The following MOB3B variants were observed in gnomAD, a reference collection of about 807,000 sequenced individuals.
The protein encoded by MOB3B is MOB kinase activator-like 2B.
Under a neutral mutation model 18.7 loss-of-function variants are expected in MOB3B, and 7 were observed. That is an observed-to-expected ratio of 0.37 (90% confidence interval 0.21 to 0.70). The LOEUF is 0.70. MOB3B is among the 30% of genes least tolerant of loss of function. The pLI is 0.52. For synonymous variants in MOB3B, 111 were observed against 99.9 expected, an observed-to-expected ratio of 1.11 and a Z score of -0.66; for missense variants, 253 against 281.3, an observed-to-expected ratio of 0.90 and a Z score of 0.72.
chr9:27,441,871 C>T (rs935451666), intron 2 of MOB3B, among the ~76,000 whole-genome samples: 2 of 152,128 alleles, frequency 1.3e-5, no homozygotes, highest in Admixed American at 1.3e-4. Context: ...CCCTAAGGAC[C>T]CTTTCAAAGG....
At chr9:27,426,192 C>A (rs928404103) in intron 2 of MOB3B, among the ~76,000 whole-genome samples, 3 of 152,130 alleles carry the variant, frequency 2.0e-5, no homozygotes, top group African/African-American at 7.2e-5. Context: ...GGGATTCCAA[C>A]CTATCCTGTG....
intron 2 of MOB3B, among the ~76,000 whole-genome samples, chr9:27,416,278 A>C (rs1487849684): frequency 6.6e-6 from 1 of 152,130 alleles, no homozygotes; most frequent in Non-Finnish European, 1.5e-5. Context: ...TAACAAGAGA[A>C]ATCTAGTAAG....
chr9:27,348,393 C>T, intron 3 of MOB3B, among the ~76,000 whole-genome samples: 1 of 152,174 alleles, frequency 6.6e-6, no homozygotes, highest in East Asian at 1.9e-4. Context: ...TGGCTCACAC[C>T]TGTAATCCCA....
intron 2 of MOB3B, among the ~76,000 whole-genome samples, chr9:27,430,507 G>A (rs557134014): frequency 6.6e-6 from 1 of 152,072 alleles, no homozygotes; most frequent in Non-Finnish European, 1.5e-5. Context: ...TGCAGCCAAC[G>A]CAGAACCAAT....
chr9:27,426,520 T>G (rs1369596981), intron 2 of MOB3B, among the ~76,000 whole-genome samples: 1 of 152,188 alleles, frequency 6.6e-6, no homozygotes, highest in Non-Finnish European at 1.5e-5. Flanking sequence ...ATCTTTTGTT[T>G]GGGCACACAA....
intron 2 of MOB3B, chr9:27,396,900 A>G (rs915818261): frequency 5.3e-5 from 8 of 152,260 alleles, no homozygotes; most frequent in African/African-American, 9.6e-5. Context: ...TACAGTAAGG[A>G]AAAAGGAGGA....
At chr9:27,484,021 C>A (rs1465008353) in intron 1 of MOB3B, among the ~76,000 whole-genome samples, 1 of 152,194 alleles carries the variant, frequency 6.6e-6, no homozygotes, top group Non-Finnish European at 1.5e-5. Flanking sequence ...GGTGAGGGCC[C>A]ATAACGAGCT....
intron 2 of MOB3B, among the ~76,000 whole-genome samples, chr9:27,371,890 A>T (rs1399273629): frequency 6.6e-6 from 1 of 152,186 alleles, no homozygotes; most frequent in East Asian, 1.9e-4. Flanking sequence ...TAATTCAAGG[A>T]CACTAAAAAA....
At chr9:27,467,709 C>G (rs1272911384) in intron 1 of MOB3B, among the ~76,000 whole-genome samples, 3 of 152,250 alleles carry the variant, frequency 2.0e-5, no homozygotes, top group Non-Finnish European at 4.4e-5. Context: ...CTCAGCCTGA[C>G]CTTTTTTCCT....
chr9:27,331,043 T>G (rs947044449), intron 3 of MOB3B, among the ~76,000 whole-genome samples: 1 of 152,200 alleles, frequency 6.6e-6, no homozygotes, highest in Non-Finnish European at 1.5e-5. Context: ...ACTGCTAGTT[T>G]TCTTCGAGTA....
At chr9:27,348,974 T>C (rs1170257377) in intron 3 of MOB3B, among the ~76,000 whole-genome samples, 2 of 152,334 alleles carry the variant, frequency 1.3e-5, no homozygotes, top group South Asian at 2.1e-4. Flanking sequence ...GTACATACAA[T>C]GGCCTGGGGG....
intron 1 of MOB3B, among the ~76,000 whole-genome samples, chr9:27,480,962 A>T (rs981636090): frequency 6.6e-5 from 10 of 152,214 alleles, no homozygotes; most frequent in African/African-American, 2.4e-4. Context: ...AATTATATAG[A>T]CTTAAAATAC....
chr9:27,344,476 G>A (rs977375610), intron 3 of MOB3B, among the ~76,000 whole-genome samples: 2 of 152,274 alleles, frequency 1.3e-5, no homozygotes, highest in African/African-American at 2.4e-5. Flanking sequence ...TTATAACTCC[G>A]ACATCTTACA....
intron 3 of MOB3B, among the ~76,000 whole-genome samples, chr9:27,351,663 C>G (rs7031858): frequency 3.9e-5 from 6 of 152,146 alleles, no homozygotes; most frequent in African/African-American, 1.2e-4. Flanking sequence ...TTGCTGGCTA[C>G]TTTAGGGAGT....
chr9:27,385,315 T>G (rs994343920), intron 2 of MOB3B, among the ~76,000 whole-genome samples: 6 of 152,226 alleles, frequency 3.9e-5, no homozygotes, highest in Admixed American at 1.3e-4. Flanking sequence ...CAACAATTTA[T>G]TGAGCACTTC....
intron 3 of MOB3B, among the ~76,000 whole-genome samples, chr9:27,331,860 G>C (rs758415274): frequency 6.6e-6 from 1 of 152,210 alleles, no homozygotes; most frequent in Non-Finnish European, 1.5e-5. Context: ...GTGCCAAGGT[G>C]TTCAGAGAAG....
intron 2 of MOB3B, among the ~76,000 whole-genome samples, chr9:27,387,159 C>T (rs1338983242): frequency 6.6e-6 from 1 of 152,072 alleles, no homozygotes; most frequent in African/African-American, 2.4e-5. Context: ...AAAGGGGAGA[C>T]ATGAATGAAT....
intron 2 of MOB3B, among the ~76,000 whole-genome samples, chr9:27,419,140 C>T (rs539916028): frequency 6.6e-6 from 1 of 151,132 alleles, no homozygotes; most frequent in South Asian, 2.1e-4. Flanking sequence ...CAAAACCCTG[C>T]TGAAAGAAAT....
In MOB3B at chr9:27,328,995, G is replaced by C. The variant is rs1820750850; in HGVS notation, c.*1592C>G. 1 of 152,536 alleles carries C rather than the reference G, an allele frequency of 6.6e-6. No homozygotes were observed. Among genetic ancestry groups the C allele is most frequent in the Non-Finnish European group, 1.5e-5 (1 of 68,038 alleles). 9.4% of individuals were successfully genotyped at this position (152,536 alleles called of 1,614,324 possible). A position where few individuals can be genotyped will look rare whatever the true frequency, so the allele number is the denominator to read the frequency against. On this transcript the variant is annotated 3_prime_UTR_variant, in exon 4 of 4. Transcript: ENST00000262244. ...ACACAAAGCAAGGTTCAGGCTGCTT[G>C]GTTAGGTCAACAGAGAATGCCACTG...
Sources: allele counts gnomAD v4.1 joint callset (sites outside exome capture counted in the v4.1 genomes callset), GRCh38; gene constraint gnomAD v4.1.1; transcripts MANE v1.5; gene names NCBI Gene and HGNC (gene_info 2026-07-23, HGNC 2026-07-21).